JPH3: variants seen among roughly 807,000 people sequenced by gnomAD.
The protein encoded by JPH3 is junctophilin-3.
Under a neutral mutation model 59.6 loss-of-function variants are expected in JPH3, and 11 were observed. The ratio of observed to expected loss-of-function variants is 0.18; its 90% CI spans 0.12 to 0.31. The LOEUF (loss-of-function observed/expected upper bound fraction) is 0.31. Among genes scored for constraint, JPH3 ranks in the 10% least tolerant of loss-of-function variants. The pLI is 1.00. For synonymous variants in JPH3, 673 were observed against 483.6 expected, an observed-to-expected ratio of 1.39 and a Z score of -5.14; for missense variants, 1,202 against 1,105.7, an observed-to-expected ratio of 1.09 and a Z score of -1.24.
At chr16:87,645,209 G>C (rs1309222695) in intron 2 of JPH3, among the ~76,000 whole-genome samples, 174 bp downstream of exon 2, 1 of 152,242 alleles carries the variant, frequency 6.6e-6, no homozygotes, top group Non-Finnish European at 1.5e-5. Flanking sequence ...GAGGTTCTCA[G>C]AGGTGACTGT....
chr16:87,639,199 G>A (rs2031857575), intron 1 of JPH3, among the ~76,000 whole-genome samples: 1 of 152,156 alleles, frequency 6.6e-6, no homozygotes, highest in Non-Finnish European at 1.5e-5. Context: ...CCTGTGATCT[G>A]CACAGCCGCC....
At chr16:87,677,185 T>TATATACACACACACACACACACAC (rs1491266129) in intron 2 of JPH3, among the ~76,000 whole-genome samples, 3 of 95,194 alleles carry the variant, frequency 3.2e-5, no homozygotes, top group African/African-American at 1.4e-4. Flanking sequence ...TATATATATA[T>TATATACACACACACACACACACAC]ACACACACAC....
At chr16:87,688,687 C>T (rs953637501) in intron 3 of JPH3, among the ~76,000 whole-genome samples, 5 of 152,154 alleles carry the variant, frequency 3.3e-5, no homozygotes, top group Admixed American at 6.6e-5. Flanking sequence ...ACCATTTTGG[C>T]TCGGGCAGGA....
chr16:87,644,244 C>A lies in JPH3; in HGVS notation c.383-14C>A. 6.3e-7 allele frequency: 1 copy of A among 1,591,068 alleles called. No homozygotes were observed. Among genetic ancestry groups the A allele is most frequent in the South Asian group, 1.1e-5 (1 of 87,110 alleles). On this transcript the variant is annotated splice_polypyrimidine_tract_variant and intron_variant, in intron 1 of 4. Transcript: ENST00000284262. ...TGTCGCTGGGCACTCACCCCTCTCT[C>A]ATTTTCTCCCCAGGGACCTACCAGG...
intron 1 of JPH3, among the ~76,000 whole-genome samples, chr16:87,636,795 G>T (rs1203481953): frequency 2.0e-5 from 3 of 152,266 alleles, no homozygotes; most frequent in Non-Finnish European, 4.4e-5. Context: ...GGCATGGCCA[G>T]AGCTCCGTCA....
At chr16:87,634,842 G>T (rs553501374) in intron 1 of JPH3, among the ~76,000 whole-genome samples, 2 of 152,234 alleles carry the variant, frequency 1.3e-5, no homozygotes, top group African/African-American at 4.8e-5. Context: ...GAGACGCTCT[G>T]TGTGGGCTTC....
At chr16:87,656,930 G>C (rs1043125535) in intron 2 of JPH3, among the ~76,000 whole-genome samples, 7 of 152,120 alleles carry the variant, frequency 4.6e-5, no homozygotes, top group Non-Finnish European at 8.8e-5. Context: ...GGCTTTCCTT[G>C]GTGCATGGAG....
intron 4 of JPH3, chr16:87,694,964 G>A (rs2033754049): frequency 1.1e-5 from 3 of 284,646 alleles, no homozygotes; most frequent in Admixed American, 4.8e-5. Context: ...CTGGACAGCT[G>A]GCTCTGCTTC....
Position 87,622,709 on chromosome 16 carries a change from A to G in JPH3, c.382+19181A>G, listed in dbSNP as rs1029974928. On this transcript the variant is annotated intron_variant, in intron 1 of 4. Coordinates refer to ENST00000284262, the MANE Select transcript of JPH3 (RefSeq NM_020655.4). ...CATGGGGTCTGGGGGAGCCCCAGAG[A>G]TGGTCAGGGTCTCCTCCTGATAAAT... Among the ~76,000 whole-genome samples, 5 of 151,256 alleles carry G rather than the reference A, an allele frequency of 3.3e-5. No homozygotes were observed. The East Asian group carries it at 9.8e-4, about 30-fold the overall frequency.
At chr16:87,694,816 CCCCTCCT>C (rs1342877151) in intron 4 of JPH3, 10 of 191,960 alleles carry the variant, frequency 5.2e-5, no homozygotes, top group Admixed American at 5.4e-5. Flanking sequence ...CACTTGCTGT[CCCCTCCT>C]CCCCCAGCTC....
chr16:87,650,574 G>A (rs1478159270), intron 2 of JPH3, among the ~76,000 whole-genome samples: 1 of 152,232 alleles, frequency 6.6e-6, no homozygotes, highest in Non-Finnish European at 1.5e-5. Context: ...GCACCAGGCA[G>A]CCTAGTTTTG....
At chr16:87,689,357 C>T (rs973313502) in intron 3 of JPH3, among the ~76,000 whole-genome samples, 13 of 152,176 alleles carry the variant, frequency 8.5e-5, no homozygotes, top group East Asian at 1.9e-4. Context: ...ACGCACTTTC[C>T]GAGCCTTGGG....
At position 87,641,047 on chromosome 16, in the gene JPH3, G is replaced by A. The variant is rs111821070; in HGVS notation, c.383-3211G>A. 5.9e-5 allele frequency among the ~76,000 whole-genome samples: 9 copies of A among 152,340 alleles called. No homozygotes were observed. The East Asian group carries it at 1.5e-3, about 26-fold the overall frequency. On this transcript the variant is annotated intron_variant, in intron 1 of 4. Transcript: ENST00000284262. ...GAGCAAGCCACAGGGTTTCCCCCCA[G>A]TGTGGTTCGCATTGGGGTGCCGGGT...
chr16:87,607,434 C>G (rs1567579626), intron 1 of JPH3, among the ~76,000 whole-genome samples: 2 of 152,242 alleles, frequency 1.3e-5, no homozygotes, highest in Admixed American at 1.3e-4. Flanking sequence ...TTCAGATCCC[C>G]CCAGGCGCCT....
intron 1 of JPH3, among the ~76,000 whole-genome samples, chr16:87,635,781 G>A (rs1228760782): frequency 2.6e-5 from 4 of 152,292 alleles, no homozygotes; most frequent in East Asian, 3.9e-4. Context: ...GTCCACCCAC[G>A]TCTTCCGACT....
chr16:87,684,585 TC>T (rs886901788), intron 3 of JPH3: 18 of 348,066 alleles, frequency 5.2e-5, no homozygotes, highest in Non-Finnish European at 8.1e-5. Context: ...CTGCCCGCCC[TC>T]CCCCAGTGTT....
chr16:87,609,719 G>C (rs1218909877), intron 1 of JPH3, among the ~76,000 whole-genome samples: 1 of 152,220 alleles, frequency 6.6e-6, no homozygotes, highest in East Asian at 1.9e-4. Flanking sequence ...GTACCAGTCA[G>C]TGAAACTGTT....
At chr16:87,662,252 C>T (rs957698548) in intron 2 of JPH3, among the ~76,000 whole-genome samples, 3 of 152,098 alleles carry the variant, frequency 2.0e-5, no homozygotes, top group Admixed American at 6.5e-5. Context: ...GATAGCAGCC[C>T]CTCTGCCTGG....
At chr16:87,657,454 A>T (rs542579915) in intron 2 of JPH3, among the ~76,000 whole-genome samples, 190 of 152,344 alleles carry the variant, frequency 1.2e-3, no homozygotes, top group Middle Eastern at 3.4e-3. Flanking sequence ...GGGCGACGAC[A>T]GTACCCTGCA....
Sources: allele counts gnomAD v4.1 joint callset (sites outside exome capture counted in the v4.1 genomes callset), GRCh38; gene constraint gnomAD v4.1.1; transcripts MANE v1.5; gene names NCBI Gene and HGNC (gene_info 2026-07-23, HGNC 2026-07-21).